The following ADAMTS17 variants were observed in gnomAD, a reference collection of about 807,000 sequenced individuals.
ADAMTS17 encodes the protein A disintegrin and metalloproteinase with thrombospondin motifs 17.
ADAMTS17 carries 113 observed loss-of-function variants against 141.5 expected under a neutral mutation model. That is an observed-to-expected ratio of 0.80 (90% CI 0.69 to 0.93). The LOEUF (loss-of-function observed/expected upper bound fraction) is 0.93. Ranked by LOEUF, ADAMTS17 falls within the 40% of genes least tolerant of loss-of-function variation. ADAMTS17 has a pLI of 0.00. For synonymous variants in ADAMTS17, 768 were observed against 630.6 expected (o/e 1.22, Z -3.27); for missense variants, 1,659 against 1,517.9 (o/e 1.09, Z -1.54).
chr15:100,239,745 C>T (rs62036211), intron 7 of ADAMTS17, among the ~76,000 whole-genome samples: 1 of 152,048 alleles, frequency 6.6e-6, no homozygotes, highest in Non-Finnish European at 1.5e-5. Flanking sequence ...CATGGTGTGG[C>T]CAGGAGGAAG....
intron 10 of ADAMTS17, among the ~76,000 whole-genome samples, chr15:100,147,360 A>C (rs1236708404): frequency 6.6e-6 from 1 of 152,194 alleles, no homozygotes; most frequent in Non-Finnish European, 1.5e-5. Flanking sequence ...TCCATCAGGC[A>C]GACCTTTCAT....
chr15:100,220,423 T>C (rs772620372), intron 7 of ADAMTS17, among the ~76,000 whole-genome samples: 11 of 152,106 alleles, frequency 7.2e-5, no homozygotes, highest in African/African-American at 2.7e-4. Flanking sequence ...AAAGTAGAAA[T>C]AACAGTAACA....
chr15:100,300,826 G>C (rs2045005106), intron 3 of ADAMTS17, among the ~76,000 whole-genome samples: 1 of 152,208 alleles, frequency 6.6e-6, no homozygotes, highest in South Asian at 2.1e-4. Flanking sequence ...ATCCCCAGCA[G>C]TCACATAACT....
intron 18 of ADAMTS17, among the ~76,000 whole-genome samples, chr15:100,003,977 C>T (rs2060982007): frequency 6.6e-6 from 1 of 152,218 alleles, no homozygotes; most frequent in Non-Finnish European, 1.5e-5. Flanking sequence ...TACTTACTGC[C>T]ACTGAACTGT....
At position 100,156,777 on chromosome 15, in the gene ADAMTS17, G is replaced by A. The variant is rs114871710; in HGVS notation, c.1182-1457C>T. Among the ~76,000 whole-genome samples, 549 of 152,278 alleles carry A rather than the reference G, an allele frequency of 3.6e-3. 2 individuals are homozygous for A. The highest frequency in any genetic ancestry group is 0.013 in the African/African-American group (524 of 41,544). ...AATAAATCATAAAAATCTGCTCCAA[G>A]GCTGCTTCACAAGTCTTTTACAATC... On this transcript the variant is annotated intron_variant, in intron 8 of 21. Coordinates refer to ENST00000268070, the MANE Select transcript of ADAMTS17 (RefSeq NM_139057.4).
chr15:100,202,031 C>T (rs537547072), intron 7 of ADAMTS17, among the ~76,000 whole-genome samples: 25 of 152,276 alleles, frequency 1.6e-4, no homozygotes, highest in South Asian at 2.1e-4. Flanking sequence ...CAGATCTGCA[C>T]GCCCTGGAGA....
chr15:100,329,574 C>A (rs76960629), intron 3 of ADAMTS17, among the ~76,000 whole-genome samples: 1 of 150,294 alleles, frequency 6.7e-6, no homozygotes. Context: ...ACACAACCAA[C>A]TGTCAGACCA....
chr15:100,317,229 G>A (rs775026573), intron 3 of ADAMTS17, among the ~76,000 whole-genome samples: 5 of 152,138 alleles, frequency 3.3e-5, no homozygotes, highest in South Asian at 2.1e-4. Flanking sequence ...TCAACCAAAC[G>A]GCAGGGTCTG....
chr15:100,052,893 G>C (rs2032258025), intron 16 of ADAMTS17, among the ~76,000 whole-genome samples: 1 of 152,330 alleles, frequency 6.6e-6, no homozygotes, highest in African/African-American at 2.4e-5. Flanking sequence ...AATTTTAACG[G>C]GGTTAACACC....
intron 20 of ADAMTS17, among the ~76,000 whole-genome samples, chr15:99,990,622 T>G (rs889685231): frequency 5.5e-5 from 8 of 146,668 alleles, no homozygotes; most frequent in African/African-American, 1.7e-4. Context: ...ATTGGGAAAT[T>G]TGGCTTTTTT....
intron 18 of ADAMTS17, among the ~76,000 whole-genome samples, chr15:100,044,161 G>A (rs1266099585): frequency 6.6e-6 from 1 of 152,154 alleles, no homozygotes; most frequent in African/African-American, 2.4e-5. Flanking sequence ...CTGGAATCTA[G>A]TTGAAACATG....
intron 3 of ADAMTS17, among the ~76,000 whole-genome samples, chr15:100,309,647 C>T (rs1350216413): frequency 2.6e-5 from 4 of 152,238 alleles, no homozygotes; most frequent in Admixed American, 2.6e-4. Context: ...ACAGATGACA[C>T]AAGCCATGCC....
At chr15:100,037,665 T>A (rs1029086124) in intron 18 of ADAMTS17, among the ~76,000 whole-genome samples, 1 of 151,738 alleles carries the variant, frequency 6.6e-6, no homozygotes, top group Non-Finnish European at 1.5e-5. Context: ...TGCCTCGGCC[T>A]CCCAAAGTGC....
chr15:100,281,309 G>A lies in ADAMTS17; in HGVS notation c.709C>T (p.Leu237=), dbSNP rs780909666. ...RLTSEHTVET[L]VVADADMVQY... is the part of the protein sequence containing the mutation. ...ACCATGTCGGCGTCGGCCACCACCAGGGTCTCCACCGTGTGCTCGCTGGTG... is the reference window on the plus strand; with the variant it reads ...ACCATGTCGGCGTCGGCCACCACCAAGGTCTCCACCGTGTGCTCGCTGGTG... The change falls in exon 4 of 22, where the codon CTG becomes TTG. Residue 237 remains leucine, a synonymous_variant. Coordinates refer to ENST00000268070, the MANE Select transcript of ADAMTS17 (RefSeq NM_139057.4). 91 of 1,609,632 alleles carry A rather than the reference G, an allele frequency of 5.7e-5. No homozygotes were observed. Among genetic ancestry groups the A allele is most frequent in the Non-Finnish European group, 5.9e-5 (70 of 1,179,954 alleles).
intron 3 of ADAMTS17, among the ~76,000 whole-genome samples, chr15:100,282,135 T>G (rs2044306200): frequency 6.6e-6 from 1 of 152,204 alleles, no homozygotes; most frequent in African/African-American, 2.4e-5. Context: ...GCCATAGTCT[T>G]TGTACATGGA....
At chr15:100,061,603 T>C (rs762087596) in intron 15 of ADAMTS17, among the ~76,000 whole-genome samples, 12 of 152,222 alleles carry the variant, frequency 7.9e-5, no homozygotes, top group Non-Finnish European at 1.5e-4. Flanking sequence ...TCCAAAGGAT[T>C]CTAACATCCT....
intron 8 of ADAMTS17, among the ~76,000 whole-genome samples, chr15:100,197,373 A>G (rs1233763949): frequency 6.6e-6 from 1 of 152,180 alleles, no homozygotes; most frequent in East Asian, 1.9e-4. Flanking sequence ...CTGCATTCTC[A>G]TAATCATTAG....
rs750466714 is a variant in ADAMTS17, at chr15:100,096,413, C to T, written c.2080G>A (p.Gly694Arg). ...ACCAAGTGGCAGGTCTTGCCGTCCC[C>T]GCTGCAGACCCCGCATCTGTCCTCT... ...AKEDRCGVCS[G>R]DGKTCHLVKG... The change falls in exon 15 of 22, where the codon GGG becomes AGG. Residue 694 changes from glycine to arginine, a missense_variant. Transcript: ENST00000268070. 17 of 1,614,166 alleles carry T rather than the reference C, an allele frequency of 1.1e-5. No individual in the cohort carries two copies. The highest frequency in any genetic ancestry group is 3.3e-5 in the Admixed American group (2 of 60,028).
intron 15 of ADAMTS17, among the ~76,000 whole-genome samples, chr15:100,091,782 T>TC (rs1458115115): frequency 2.0e-5 from 3 of 152,238 alleles, no homozygotes; most frequent in East Asian, 1.9e-4. Context: ...AAATCAGAGT[T>TC]CTTTTTTTTT....
Sources: allele counts gnomAD v4.1 joint callset (sites outside exome capture counted in the v4.1 genomes callset), GRCh38; gene constraint gnomAD v4.1.1; transcripts MANE v1.5; gene names NCBI Gene and HGNC (gene_info 2026-07-23, HGNC 2026-07-21).